C1orf54: variants seen among roughly 807,000 people sequenced by gnomAD.
C1orf54 encodes the protein chromosome 1 open reading frame 54.
C1orf54 carries 12 observed loss-of-function variants against 14.7 expected under a neutral mutation model. The ratio of observed to expected loss-of-function variants is 0.82; its 90% CI spans 0.52 to 1.32. The LOEUF (loss-of-function observed/expected upper bound fraction) is 1.32, where lower values mean the gene tolerates loss of function less well. Among genes scored for constraint, C1orf54 ranks in the 40% most tolerant of loss-of-function variants. The probability of loss-of-function intolerance (pLI) is 0.00; values close to 1 mark genes in which losing one functional copy is unlikely to be tolerated. For synonymous variants in C1orf54, 65 were observed against 56.3 expected (o/e 1.16, Z -0.70); for missense variants, 163 against 162.2 (o/e 1.00, Z -0.03).
intron 4 of C1orf54, among the ~76,000 whole-genome samples, chr1:150,278,256 C>T (rs1652829134): frequency 6.6e-6 from 1 of 152,050 alleles, no homozygotes; most frequent in South Asian, 2.1e-4. Flanking sequence ...AAATACCTTG[C>T]TTGAGTGATA....
At chr1:150,276,042 G>A (rs1379991647) in intron 3 of C1orf54, among the ~76,000 whole-genome samples, 2 of 152,096 alleles carry the variant, frequency 1.3e-5, no homozygotes, top group African/African-American at 2.4e-5. Flanking sequence ...AGAAGGCTGA[G>A]GTAGGAGAAT....
At chr1:150,272,272 T>C (rs2101865361), upstream of C1orf54, 1 of 155,536 alleles carries the variant, frequency 6.4e-6, no homozygotes, top group South Asian at 1.9e-4. Context: ...ATATTGTTCC[T>C]ATTCTCTATA....
upstream of C1orf54, among the ~76,000 whole-genome samples, chr1:150,271,138 A>C (rs1553851227): frequency 1.3e-5 from 2 of 150,626 alleles, no homozygotes; most frequent in African/African-American, 4.9e-5. Flanking sequence ...TTTGAGATGG[A>C]GTCTCACTCT....
At chr1:150,276,398 C>A (rs1652657930) in intron 3 of C1orf54, 124 bp from the exon 4 acceptor site, 1 of 732,004 alleles carries the variant, frequency 1.4e-6, no homozygotes, top group Non-Finnish European at 2.4e-6. Flanking sequence ...AGGGGGGAAT[C>A]CCTGAGCTTA....
In C1orf54 at chr1:150,274,119, G is replaced by A. The variant is rs1489830617; in HGVS notation, c.79G>A (p.Glu27Lys). The A allele has an allele frequency of 1.2e-6, 2 of 1,612,662 alleles. No individual in the cohort carries two copies. Among genetic ancestry groups the A allele is most frequent in the East Asian group, 2.2e-5 (1 of 44,880 alleles). ...ATATGAGGATGAAGAAAGACTGGGAGAGGATGAATATTATCAGGTGGTCTA... is the reference window on the plus strand; with the variant it reads ...ATATGAGGATGAAGAAAGACTGGGAAAGGATGAATATTATCAGGTGGTCTA... The part of the protein sequence containing the change: ...QEYEDEERLG[E>K]DEYYQVVYYY... The change falls in exon 2 of 6, where the codon GAG (glutamate) becomes AAG (lysine). Residue 27 changes from glutamate (E) to lysine (K), a missense_variant. Physicochemically the swap from Glu to Lys is moderately conservative, Grantham distance 56 (BLOSUM62 1). Transcript: ENST00000369099.
upstream of C1orf54, chr1:150,269,114 G>A: frequency 3.1e-6 from 1 of 319,062 alleles, no homozygotes; most frequent in Non-Finnish European, 6.2e-6. Flanking sequence ...TGCTCGACCT[G>A]CTGGGAGTTG....
Position 150,276,603 on chromosome 1 carries a change from G to C in C1orf54, c.271G>C (p.Val91Leu). 1.2e-6 allele frequency: 2 copies of C among 1,614,118 alleles called. No individual in the cohort carries two copies. Among genetic ancestry groups the C allele is most frequent in the East Asian group, 4.5e-5 (2 of 44,886 alleles). ...ETARADHPKP[V>L]TVKPVTTEPS... The stretch of plus-strand genomic sequence containing the variant: ...AGCACGTGCAGACCATCCGAAGCCT[G>C]TAACTGTGAAACCAGTAACAACGGA... Residue 91 changes from valine (V) to leucine (L), a missense_variant, in exon 4 of 6, where the codon GTA (valine) becomes CTA (leucine). Val to Leu is a conservative substitution (Grantham distance 32, BLOSUM62 1). Coordinates refer to ENST00000369099, the MANE Select transcript of C1orf54 (RefSeq NM_024579.4).
At chr1:150,268,945 G>A (rs201500039), upstream of C1orf54, 2 of 673,228 alleles carry the variant, frequency 3.0e-6, no homozygotes, top group Admixed American at 2.9e-5. Flanking sequence ...CCCAGACCCC[G>A]GGGAAGGGGA....
At chr1:150,279,795 T>C in intron 5 of C1orf54, 54 bp downstream of exon 5, 1 of 1,431,780 alleles carries the variant, frequency 7.0e-7, no homozygotes, top group South Asian at 1.2e-5. Flanking sequence ...ATTTTTTAAC[T>C]TCCCACACTA....
At position 150,275,801 on chromosome 1, in the gene C1orf54, T is replaced by C; in HGVS notation, c.189+2T>C. The C allele has an allele frequency of 6.2e-7, 1 of 1,607,860 alleles. No individual in the cohort carries two copies. Among genetic ancestry groups the C allele is most frequent in the Non-Finnish European group, 8.5e-7 (1 of 1,174,480 alleles). ...ATATTTGAGTCAGAGGACAGGCTGG[T>C]GAGTGAACTCTACATCTAAAAGGGT... is the stretch of plus-strand genomic sequence containing the variant. On this transcript the variant is annotated splice_donor_variant, in intron 3 of 5. Coordinates refer to ENST00000369099, the MANE Select transcript of C1orf54 (RefSeq NM_024579.4). LOFTEE classifies it high-confidence loss of function.
intron 5 of C1orf54, 102 bp from the exon 6 acceptor site, chr1:150,280,733 A>C (rs1653034856): frequency 1.1e-6 from 1 of 917,682 alleles, no homozygotes; most frequent in African/African-American, 1.7e-5. Flanking sequence ...GAGCAATCCC[A>C]GCTCAGAATA....
At chr1:150,268,865 G>C, upstream of C1orf54, 1 of 1,512,450 alleles carries the variant, frequency 6.6e-7, no homozygotes, top group South Asian at 1.2e-5. Context: ...CAAATGGGAG[G>C]GGCGCGCCAG....
At chr1:150,271,715 C>T (rs374942437), upstream of C1orf54, among the ~76,000 whole-genome samples, 3 of 152,192 alleles carry the variant, frequency 2.0e-5, no homozygotes, top group African/African-American at 7.2e-5. Context: ...AAAAACTCTA[C>T]ACCTGTAGGA....
chr1:150,275,062 C>T (rs1305306218), intron 2 of C1orf54, among the ~76,000 whole-genome samples: 2 of 150,538 alleles, frequency 1.3e-5, no homozygotes, highest in Non-Finnish European at 3.0e-5. Context: ...TTTTTGAGAC[C>T]AAATCTCATG....
intron 1 of C1orf54, among the ~76,000 whole-genome samples, chr1:150,273,460 G>A (rs1243390929): frequency 1.3e-5 from 2 of 152,196 alleles, no homozygotes; most frequent in East Asian, 3.8e-4. Context: ...GCTCAGGGAA[G>A]TGTTTAGCAG....
intron 2 of C1orf54, among the ~76,000 whole-genome samples, chr1:150,274,996 A>C (rs1299221115): frequency 1.3e-5 from 2 of 151,902 alleles, no homozygotes; most frequent in Non-Finnish European, 2.9e-5. Context: ...CAGGAGTTCA[A>C]GACCACCCTG....
intron 4 of C1orf54, among the ~76,000 whole-genome samples, chr1:150,278,028 C>T (rs1240354675): frequency 6.6e-6 from 1 of 151,714 alleles, no homozygotes; most frequent in African/African-American, 2.4e-5. Flanking sequence ...ACCTGGGAGG[C>T]GGAGGTTGCA....
At chr1:150,279,579 G>A (rs1005082475) in intron 4 of C1orf54, 64 bp from the exon 5 acceptor site, 15 of 1,445,492 alleles carry the variant, frequency 1.0e-5, no homozygotes, top group Admixed American at 7.9e-5. Flanking sequence ...TTCTGGAGGG[G>A]GACAGAGAAG....
chr1:150,274,115 G>C lies in C1orf54; in HGVS notation c.75G>C (p.Leu25=), dbSNP rs1553851897. The change falls in exon 2 of 6, where the codon CTG becomes CTC. Residue 25 remains leucine (L), a synonymous_variant. Coordinates refer to ENST00000369099, the MANE Select transcript of C1orf54 (RefSeq NM_024579.4). ...LGQEYEDEER[L]GEDEYYQVVY... is the part of the protein sequence containing the mutation. ...AAGAATATGAGGATGAAGAAAGACT[G>C]GGAGAGGATGAATATTATCAGGTGG... The C allele has an allele frequency of 6.2e-7, 1 of 1,612,370 alleles. No homozygotes were observed. The highest frequency in any genetic ancestry group is 8.5e-7 in the Non-Finnish European group (1 of 1,178,440).
Sources: gnomAD v4.1 joint callset for allele counts (sites outside exome capture counted in the v4.1 genomes callset) on GRCh38, gnomAD v4.1.1 for gene constraint, MANE v1.5 for transcripts, NCBI Gene and HGNC (gene_info 2026-07-23, HGNC 2026-07-21) for gene names.